The following MSRA variants were observed in gnomAD, a reference collection of about 807,000 sequenced individuals.
MSRA encodes the protein mitochondrial peptide methionine sulfoxide reductase.
In MSRA, 54 loss-of-function variants were observed where a neutral mutation model predicts 31.3. The observed-to-expected ratio is 1.73, with a 90% CI of 1.39 to 2.17. The LOEUF (loss-of-function observed/expected upper bound fraction) is 2.17, where lower values mean the gene tolerates loss of function less well. Ranked by LOEUF, MSRA falls within the 30% of genes most tolerant of loss-of-function variation. The pLI, the probability that MSRA is intolerant of heterozygous loss-of-function variation, is 0.00. For missense variants in MSRA, 507 were observed against 300.9 expected (o/e 1.69, Z -5.07); for synonymous variants, 169 against 116.5 (o/e 1.45, Z -2.90).
At chr8:10,153,981 A>C (rs933224848) in intron 1 of MSRA, among the ~76,000 whole-genome samples, 16 of 152,232 alleles carry the variant, frequency 1.1e-4, no homozygotes, top group African/African-American at 3.9e-4. Context: ...TTTCATGTGG[A>C]TATTCAATGC....
Position 10,319,973 on chromosome 8 carries a change from A to G in MSRA, c.527A>G (p.Lys176Arg), listed in dbSNP as rs1585458691. 1.3e-6 allele frequency: 2 copies of G among 1,598,976 alleles called. No homozygotes were observed. The highest frequency in any genetic ancestry group is 1.7e-6 in the Non-Finnish European group (2 of 1,172,916). ...CAAATGGAGGCAGCCCTGAGCTCCA[A>G]AGAGAACTACCAAAAGGTAGGGATT... Reference protein sequence around the residue: ...AKQMEAALSSKENYQKVLSEH... With the variant: ...AKQMEAALSSRENYQKVLSEH... The change falls in exon 5 of 6, where the codon AAA becomes AGA. Residue 176 changes from lysine (K) to arginine (R), a missense_variant. Transcript: ENST00000317173.
chr8:10,386,310 T>C (rs937410453), intron 5 of MSRA, among the ~76,000 whole-genome samples: 11 of 152,162 alleles, frequency 7.2e-5, no homozygotes, highest in Admixed American at 5.9e-4. Flanking sequence ...CATATTAGTT[T>C]CACACCAGAT....
intron 3 of MSRA, among the ~76,000 whole-genome samples, chr8:10,271,648 C>T (rs1223569315): frequency 6.8e-6 from 1 of 146,782 alleles, no homozygotes; most frequent in Non-Finnish European, 1.5e-5. Flanking sequence ...TTACAAAGGG[C>T]ACTGTTTCTT....
chr8:10,316,112 C>G (rs1163718780), intron 4 of MSRA, among the ~76,000 whole-genome samples: 1 of 152,162 alleles, frequency 6.6e-6, no homozygotes, highest in African/African-American at 2.4e-5. Flanking sequence ...TTGAGATGCA[C>G]TGCGTGAAAA....
chr8:10,288,004 T>A (rs1800028769), intron 3 of MSRA, among the ~76,000 whole-genome samples: 2 of 152,178 alleles, frequency 1.3e-5, no homozygotes, highest in African/African-American at 4.8e-5. Flanking sequence ...CAGAGAGTGC[T>A]CAGAGCTCAT....
intron 4 of MSRA, among the ~76,000 whole-genome samples, chr8:10,312,899 G>C (rs930501688): frequency 6.6e-6 from 1 of 152,148 alleles, no homozygotes; most frequent in African/African-American, 2.4e-5. Flanking sequence ...TTCTGATAAG[G>C]AGTACATGCA....
chr8:10,376,744 T>C (rs943600035), intron 5 of MSRA, among the ~76,000 whole-genome samples: 3 of 152,206 alleles, frequency 2.0e-5, no homozygotes, highest in African/African-American at 7.2e-5. Context: ...GGTGACCACA[T>C]GCAGTGAACT....
At chr8:10,339,952 C>T (rs1211484188) in intron 5 of MSRA, among the ~76,000 whole-genome samples, 1 of 152,182 alleles carries the variant, frequency 6.6e-6, no homozygotes, top group African/African-American at 2.4e-5. Context: ...GGCCTCTGCT[C>T]TCCCTCTTCT....
intron 3 of MSRA, among the ~76,000 whole-genome samples, chr8:10,283,832 T>TACACACACACACACAC (rs1338639680): frequency 6.0e-4 from 39 of 65,316 alleles, no homozygotes; most frequent in Admixed American, 1.5e-3. Flanking sequence ...TATATATATA[T>TACACACACACACACAC]ATATACACAC....
chr8:10,280,411 A>G (rs1456402424), intron 3 of MSRA, among the ~76,000 whole-genome samples: 3 of 152,128 alleles, frequency 2.0e-5, no homozygotes, highest in Non-Finnish European at 2.9e-5. Context: ...AATCGTTTTG[A>G]TAGTAGCAGC....
chr8:10,372,832 A>G (rs1305747565), intron 5 of MSRA, among the ~76,000 whole-genome samples: 1 of 152,264 alleles, frequency 6.6e-6, no homozygotes, highest in Non-Finnish European at 1.5e-5. Context: ...AAAGCTAAAA[A>G]TAGGATTTCC....
intron 1 of MSRA, among the ~76,000 whole-genome samples, chr8:10,103,344 G>A (rs1563098250): frequency 6.6e-6 from 1 of 152,146 alleles, no homozygotes; most frequent in Non-Finnish European, 1.5e-5. Context: ...TCTTAAAGAT[G>A]ATGCATGTAA....
intron 5 of MSRA, among the ~76,000 whole-genome samples, chr8:10,387,707 A>G (rs1347635661): frequency 6.6e-6 from 1 of 152,222 alleles, no homozygotes; most frequent in African/African-American, 2.4e-5. Context: ...AAGAATACAG[A>G]AAAAGCCTGT....
chr8:10,155,016 G>GT (rs1804032070), intron 1 of MSRA, among the ~76,000 whole-genome samples: 1 of 106,660 alleles, frequency 9.4e-6, no homozygotes, highest in Non-Finnish European at 1.8e-5. Flanking sequence ...ATATATATAG[G>GT]TTTTACCTTG....
chr8:10,198,214 C>T (rs180693796), intron 1 of MSRA, among the ~76,000 whole-genome samples: 1 of 152,020 alleles, frequency 6.6e-6, no homozygotes, highest in Admixed American at 6.5e-5. Flanking sequence ...CAAAATCACC[C>T]ATAAATCAGC....
intron 3 of MSRA, among the ~76,000 whole-genome samples, chr8:10,265,106 G>C (rs1238605014): frequency 6.6e-6 from 1 of 152,194 alleles, no homozygotes; most frequent in East Asian, 1.9e-4. Flanking sequence ...TCAATATCCT[G>C]TCTGACTCTT....
intron 1 of MSRA, among the ~76,000 whole-genome samples, chr8:10,192,304 C>A (rs1009969456): frequency 3.9e-5 from 6 of 152,184 alleles, no homozygotes; most frequent in African/African-American, 1.4e-4. Context: ...GTGGCTATAC[C>A]TTTAGAACCA....
chr8:10,151,021 G>C (rs1005597423), intron 1 of MSRA, among the ~76,000 whole-genome samples: 3 of 151,940 alleles, frequency 2.0e-5, no homozygotes, highest in South Asian at 4.2e-4. Context: ...GGCAGTGATG[G>C]GGGGGTGGGG....
At chr8:10,375,670 G>A (rs923740627) in intron 5 of MSRA, among the ~76,000 whole-genome samples, 16 of 152,300 alleles carry the variant, frequency 1.1e-4, no homozygotes, top group African/African-American at 3.1e-4. Context: ...TAATGAGACC[G>A]CATCACCAGT....
Sources: allele counts gnomAD v4.1 joint callset (sites outside exome capture counted in the v4.1 genomes callset), GRCh38; gene constraint gnomAD v4.1.1; transcripts MANE v1.5; gene names NCBI Gene and HGNC (gene_info 2026-07-23, HGNC 2026-07-21).